The following DLG2 variants were observed in gnomAD, a reference collection of about 807,000 sequenced individuals.
The protein encoded by DLG2 is discs large MAGUK scaffold protein 2.
In DLG2, 45 loss-of-function variants were observed where a neutral mutation model predicts 132.5. That is an observed-to-expected ratio of 0.34 (90% CI 0.27 to 0.44). The LOEUF is 0.44. DLG2 is among the 20% of genes least tolerant of loss of function. The probability of loss-of-function intolerance (pLI) is 1.00; values close to 1 mark genes in which losing one functional copy is unlikely to be tolerated. For missense variants in DLG2, 1,045 were observed against 1,196.9 expected (o/e 0.87, Z 1.87); for synonymous variants, 424 against 419.6 (o/e 1.01, Z -0.13).
chr11:83,709,027 A>G (rs1442803145), intron 18 of DLG2, among the ~76,000 whole-genome samples: 1 of 152,158 alleles, frequency 6.6e-6, no homozygotes, highest in African/African-American at 2.4e-5. Context: ...GGGAACAAGC[A>G]GAGTCCACTG....
chr11:84,931,998 CT>C (rs2048150356), intron 6 of DLG2, among the ~76,000 whole-genome samples: 1 of 152,052 alleles, frequency 6.6e-6, no homozygotes, highest in Admixed American at 6.6e-5. Context: ...GTTTAAGCTC[CT>C]TACACATGCT....
chr11:85,566,748 C>T (rs926100456), intron 3 of DLG2, among the ~76,000 whole-genome samples: 1 of 151,764 alleles, frequency 6.6e-6, no homozygotes, highest in Non-Finnish European at 1.5e-5. Flanking sequence ...CGCTAACATT[C>T]GGCCCATTGC....
At chr11:85,425,508 G>A (rs1387931263) in intron 3 of DLG2, among the ~76,000 whole-genome samples, 1 of 151,816 alleles carries the variant, frequency 6.6e-6, no homozygotes, top group Non-Finnish European at 1.5e-5. Flanking sequence ...TACATTACTG[G>A]TAACACTTTA....
At chr11:83,952,188 A>G (rs1202272442) in intron 14 of DLG2, among the ~76,000 whole-genome samples, 5 of 152,148 alleles carry the variant, frequency 3.3e-5, no homozygotes, top group African/African-American at 1.2e-4. Flanking sequence ...TCTACAAAAA[A>G]TGCAAAAATT....
intron 6 of DLG2, among the ~76,000 whole-genome samples, chr11:84,883,148 T>C (rs2087634256): frequency 1.3e-5 from 2 of 152,164 alleles, no homozygotes; most frequent in South Asian, 2.1e-4. Context: ...GATGAGTTCA[T>C]GTCCTTTGCA....
chr11:83,619,312 A>G (rs1174562376), intron 19 of DLG2, among the ~76,000 whole-genome samples: 5 of 152,242 alleles, frequency 3.3e-5, no homozygotes, highest in African/African-American at 1.2e-4. Context: ...CAAAACTTAT[A>G]GAACTTGCTT....
chr11:83,759,722 G>A (rs973352373), intron 18 of DLG2, among the ~76,000 whole-genome samples: 31 of 152,216 alleles, frequency 2.0e-4, no homozygotes, highest in African/African-American at 7.2e-4. Context: ...ACTCATAGTG[G>A]TTTTAAATGG....
At chr11:85,273,958 A>G (rs1275422775) in intron 4 of DLG2, among the ~76,000 whole-genome samples, 3 of 152,170 alleles carry the variant, frequency 2.0e-5, no homozygotes, top group Non-Finnish European at 2.9e-5. Context: ...CTTTGTAGGG[A>G]CATGGATGAA....
intron 6 of DLG2, among the ~76,000 whole-genome samples, chr11:84,758,681 C>T (rs186886010): frequency 2.7e-4 from 41 of 152,152 alleles, no homozygotes; most frequent in Admixed American, 7.2e-4. Context: ...GTTTACAAAA[C>T]GTTTTCATGT....
intron 7 of DLG2, among the ~76,000 whole-genome samples, chr11:84,360,653 C>T (rs993604985): frequency 2.0e-5 from 3 of 151,744 alleles, no homozygotes; most frequent in East Asian, 1.9e-4. Context: ...TTTGGGTAGC[C>T]ATGGCAGGTA....
intron 19 of DLG2, among the ~76,000 whole-genome samples, chr11:83,580,438 C>T (rs759013051): frequency 2.6e-5 from 4 of 152,030 alleles, no homozygotes; most frequent in Non-Finnish European, 5.9e-5. Context: ...GTTCTGCCCA[C>T]GTGAAATTAG....
At chr11:84,955,468 A>C (rs958774229) in intron 6 of DLG2, 3 of 152,128 alleles carry the variant, frequency 2.0e-5, no homozygotes, top group Non-Finnish European at 4.4e-5. Context: ...ATAGCCTCAC[A>C]ATAAATTAGA....
intron 6 of DLG2, among the ~76,000 whole-genome samples, chr11:84,921,265 G>A (rs959970032): frequency 1.2e-4 from 18 of 152,178 alleles, no homozygotes; most frequent in East Asian, 3.9e-4. Context: ...AAGTGCAAGA[G>A]CTAATTACTG....
chr11:84,704,559 A>T (rs2059583553), intron 6 of DLG2, among the ~76,000 whole-genome samples: 1 of 151,570 alleles, frequency 6.6e-6, no homozygotes, highest in African/African-American at 2.4e-5. Context: ...TGAAAATTAG[A>T]GGTAAAGATA....
chr11:84,302,539 T>C (rs1398395574), intron 7 of DLG2, among the ~76,000 whole-genome samples: 1 of 152,208 alleles, frequency 6.6e-6, no homozygotes, highest in Non-Finnish European at 1.5e-5. Flanking sequence ...ATAAAATTTG[T>C]ATCTTTCACT....
intron 8 of DLG2, among the ~76,000 whole-genome samples, chr11:84,168,810 AACACACACACACACAT>A (rs1211332443): frequency 6.9e-5 from 8 of 115,898 alleles, no homozygotes; most frequent in Non-Finnish European, 1.1e-4. Flanking sequence ...ACAGCAAATC[AACACACACACACACAT>A]ACACACACAC....
At chr11:85,228,730 T>C (rs1031844278) in intron 4 of DLG2, among the ~76,000 whole-genome samples, 2 of 151,800 alleles carry the variant, frequency 1.3e-5, no homozygotes, top group Non-Finnish European at 1.5e-5. Flanking sequence ...ATCTTTAACT[T>C]TTTTCTTATA....
At chr11:84,464,200 C>T (rs952922191) in intron 7 of DLG2, among the ~76,000 whole-genome samples, 2 of 151,094 alleles carry the variant, frequency 1.3e-5, no homozygotes, top group Admixed American at 6.6e-5. Flanking sequence ...TTACAAGATC[C>T]TAGTCTCAAG....
At chr11:84,146,514 A>G (rs1317712387) in intron 9 of DLG2, among the ~76,000 whole-genome samples, 1 of 152,152 alleles carries the variant, frequency 6.6e-6, no homozygotes, top group East Asian at 1.9e-4. Flanking sequence ...TTAGAAAAGA[A>G]TTTAGAAAGA....
Sources: gnomAD v4.1 joint callset for allele counts (sites outside exome capture counted in the v4.1 genomes callset) on GRCh38, gnomAD v4.1.1 for gene constraint, MANE v1.5 for transcripts, NCBI Gene and HGNC (gene_info 2026-07-23, HGNC 2026-07-21) for gene names.